The following PLAGL1 variants were observed in gnomAD, a reference collection of about 807,000 sequenced individuals.
PLAGL1 encodes the protein zinc finger protein PLAGL1.
PLAGL1 carries 1 observed loss-of-function variant against 4.6 expected under a neutral mutation model. The observed-to-expected ratio is 0.22, with a 90% CI of 0.08 to 1.03. PLAGL1 has a LOEUF of 1.03. PLAGL1 is among the 50% of genes least tolerant of loss of function. The pLI is 0.58. For missense variants in PLAGL1, 464 were observed against 570.4 expected (o/e 0.81, Z 1.90); for synonymous variants, 240 against 237.8 (o/e 1.01, Z -0.08).
chr6:144,011,393 T>G (rs1211700786), upstream of PLAGL1, among the ~76,000 whole-genome samples: 1 of 152,202 alleles, frequency 6.6e-6, no homozygotes, highest in Admixed American at 6.5e-5. The surrounding 1 kb of genome is among the most constrained non-coding windows in gnomAD (Gnocchi z 4.3). Flanking sequence ...CAAAGATTTC[T>G]GTGGAAAGAT....
intron 1 of PLAGL1, among the ~76,000 whole-genome samples, chr6:144,023,969 G>T (rs1251014960): frequency 5.9e-5 from 9 of 151,806 alleles, no homozygotes; most frequent in African/African-American, 2.2e-4. Flanking sequence ...TAGACACGGG[G>T]TTTCACCATG....
intron 1 of PLAGL1, among the ~76,000 whole-genome samples, chr6:143,998,562 C>T (rs1272996980): frequency 1.3e-5 from 2 of 152,148 alleles, no homozygotes; most frequent in Non-Finnish European, 2.9e-5. Flanking sequence ...GGCAATAGCT[C>T]TTTGTATGCA....
chr6:144,062,035 T>C (rs1799450099), intron 1 of PLAGL1, among the ~76,000 whole-genome samples: 1 of 152,186 alleles, frequency 6.6e-6, no homozygotes, highest in African/African-American at 2.4e-5. Flanking sequence ...TAGACATAGC[T>C]GAGACTTTTA....
At chr6:143,977,091 C>G (rs6900939) in intron 2 of PLAGL1, among the ~76,000 whole-genome samples, 17,371 of 148,990 alleles carry the variant, frequency 0.12, 1,085 homozygotes, top group South Asian at 0.22. Flanking sequence ...CTTCCCCCCC[C>G]CCAACACACT....
At chr6:144,017,282 TCTC>T (rs1484856995) in intron 1 of PLAGL1, among the ~76,000 whole-genome samples, 1 of 152,100 alleles carries the variant, frequency 6.6e-6, no homozygotes, top group Non-Finnish European at 1.5e-5. Flanking sequence ...TCAAGTCTCT[TCTC>T]CTTTTTTTGA....
At position 144,040,326 on chromosome 6, in the gene PLAGL1, C is replaced by T. The variant is rs117985503; in HGVS notation, c.-151+24142G>A. Among the ~76,000 whole-genome samples the T allele has an allele frequency of 2.2e-3, 336 of 150,610 alleles. 8 individuals carry two copies. The East Asian group carries it at 0.027, about 12-fold the overall frequency. ...GGTGGATCGCTTAAACCCGGGAGTTCAAGACTAGCCTGGGCAACATAGTGA... is the reference window on the plus strand; with the variant it reads ...GGTGGATCGCTTAAACCCGGGAGTTTAAGACTAGCCTGGGCAACATAGTGA... On this transcript the variant is annotated intron_variant, in intron 1 of 3. Coordinates refer to the PLAGL1 transcript ENST00000437412.
rs1266063815 is a variant in PLAGL1 at position 143,965,663 on chromosome 6, G to A, written c.-431+495C>T. 1 of 152,290 alleles carries A rather than the reference G, an allele frequency of 6.6e-6. No homozygotes were observed. The highest frequency in any genetic ancestry group is 2.4e-5 in the African/African-American group (1 of 41,434). The allele number at this position is 152,290 out of a possible 1,614,324, so 9.4% of individuals were successfully genotyped here. On this transcript the variant is annotated intron_variant, in intron 4 of 7. Coordinates refer to ENST00000674357, the MANE Select transcript of PLAGL1 (RefSeq NM_001317162.2). The surrounding 1 kb of genome is among the most constrained non-coding windows in gnomAD (Gnocchi z 7.5). The stretch of plus-strand genomic sequence containing the variant: ...CCAAGAAGATAACTCACAAGGCAAG[G>A]AACACGGAAGCTAGGGTGTGTTGGG...
chr6:144,014,415 C>T (rs1049939941), intron 1 of PLAGL1, among the ~76,000 whole-genome samples: 2 of 151,746 alleles, frequency 1.3e-5, no homozygotes, highest in African/African-American at 4.9e-5. Flanking sequence ...GGCGACAGAG[C>T]AAGACTCTGT....
chr6:144,022,684 G>T lies in PLAGL1; in HGVS notation c.-151+41784C>A, dbSNP rs1300218849. ...TGGTTTTATGAAAGGGAGTTCCCTT[G>T]CACAAGCTCTCTTGCCTGCCACCAT... On this transcript the variant is annotated intron_variant, in intron 1 of 3. Coordinates refer to the PLAGL1 transcript ENST00000437412. The surrounding 1 kb of genome is among the most constrained non-coding windows in gnomAD (Gnocchi z 4.2). Among the ~76,000 whole-genome samples the T allele has an allele frequency of 6.6e-6, 1 of 152,154 alleles. No individual in the cohort carries two copies. The highest frequency in any genetic ancestry group is 2.4e-5 in the African/African-American group (1 of 41,418).
chr6:144,052,182 T>A (rs1798626921), intron 1 of PLAGL1, among the ~76,000 whole-genome samples: 1 of 152,176 alleles, frequency 6.6e-6, no homozygotes, highest in Non-Finnish European at 1.5e-5. Flanking sequence ...AGAAGGTAAG[T>A]GATCCTGACA....
chr6:144,028,060 GTTCT>G, intron 1 of PLAGL1, among the ~76,000 whole-genome samples: 1 of 152,106 alleles, frequency 6.6e-6, no homozygotes, highest in Admixed American at 6.5e-5. Flanking sequence ...GGCTCATATG[GTTCT>G]TTATCACTCT....
chr6:143,966,656 T>C lies in PLAGL1; in HGVS notation c.-471-458A>G, dbSNP rs1784477224. On this transcript the variant is annotated intron_variant, in intron 3 of 7. Coordinates refer to ENST00000674357, the MANE Select transcript of PLAGL1 (RefSeq NM_001317162.2). This position sits in a 1 kb window ranked among gnomAD's most constrained non-coding sequence, Gnocchi z 6.0. The stretch of plus-strand genomic sequence containing the variant: ...TGGAACAAAAAGGGAAAAATTACCT[T>C]GGTAAATGCCACATCATGGATCAAT... 1 of 152,222 alleles carries C rather than the reference T, an allele frequency of 6.6e-6. No homozygotes were observed. Among genetic ancestry groups the C allele is most frequent in the Non-Finnish European group, 1.5e-5 (1 of 68,034 alleles). 9.4% of individuals were successfully genotyped at this position (152,222 alleles called of 1,614,324 possible).
rs1797054581 is a variant in PLAGL1 at position 144,034,297 on chromosome 6, T to A, written c.-151+30171A>T. On this transcript the variant is annotated intron_variant, in intron 1 of 3. Transcript: ENST00000437412. The surrounding 1 kb of genome is among the most constrained non-coding windows in gnomAD (Gnocchi z 4.7). ...ACAACCCCCCAACCACACCACACCC[T>A]CTGGACTGAAGCCTCTAGGCCCCAG... Among the ~76,000 whole-genome samples the A allele has an allele frequency of 6.6e-6, 1 of 151,986 alleles. No homozygotes were observed. Among genetic ancestry groups the A allele is most frequent in the South Asian group, 2.1e-4 (1 of 4,812 alleles).
At chr6:143,977,895 A>G (rs1787074298) in intron 2 of PLAGL1, among the ~76,000 whole-genome samples, 1 of 152,114 alleles carries the variant, frequency 6.6e-6, no homozygotes. Flanking sequence ...GCTGTCTAGA[A>G]GCTGTTTTAA....
At chr6:143,998,356 G>A (rs1792125018) in intron 1 of PLAGL1, among the ~76,000 whole-genome samples, 1 of 152,078 alleles carries the variant, frequency 6.6e-6, no homozygotes, top group Non-Finnish European at 1.5e-5. Context: ...TTAGCACAAG[G>A]GCAGTATGGC....
intron 1 of PLAGL1, among the ~76,000 whole-genome samples, chr6:144,051,136 G>A (rs973972293): frequency 6.6e-6 from 1 of 152,076 alleles, no homozygotes; most frequent in African/African-American, 2.4e-5. Context: ...TAATGTCTAG[G>A]AAATCACCTC....
In PLAGL1 at chr6:143,984,493, C is replaced by G. The variant is rs575852741; in HGVS notation, c.-544+642G>C. ...GTTAACATCCTAAGGAATGAGTATG[C>G]CAAGGTAGGTACTATCGGGAAGACT... On this transcript the variant is annotated intron_variant, in intron 2 of 7. Transcript: ENST00000674357. This position sits in a 1 kb window ranked among gnomAD's most constrained non-coding sequence, Gnocchi z 5.5. 1.3e-5 allele frequency among the ~76,000 whole-genome samples: 2 copies of G among 151,814 alleles called. No homozygotes were observed. Among genetic ancestry groups the G allele is most frequent in the Non-Finnish European group, 1.5e-5 (1 of 67,954 alleles).
rs1352510542 is a variant in PLAGL1, at chr6:143,985,200, GT to G, written c.-583-27del. Reference sequence around the variant, plus strand: ...CTGCAAACAAAAATAAAAATTACTAGTTTTGTATAATATTTGCACATGCATT... The same window carrying G: ...CTGCAAACAAAAATAAAAATTACTAGTTTGTATAATATTTGCACATGCATT... On this transcript the variant is annotated intron_variant, in intron 1 of 7. Transcript: ENST00000674357. This position sits in a 1 kb window ranked among gnomAD's most constrained non-coding sequence, Gnocchi z 4.4. 1.3e-5 allele frequency: 2 copies of G among 152,100 alleles called. No individual in the cohort carries two copies. The highest frequency in any genetic ancestry group is 2.9e-5 in the Non-Finnish European group (2 of 68,006). The allele number at this position is 152,100 out of a possible 1,614,324, so 9.4% of individuals were successfully genotyped here. A position where few individuals can be genotyped will look rare whatever the true frequency, so the allele number is the denominator to read the frequency against.
rs75170638 is a variant in PLAGL1, at chr6:144,018,463, A to G, written c.-151+46005T>C. On this transcript the variant is annotated intron_variant, in intron 1 of 3. Transcript: ENST00000437412. ...AATAAGTTCAAGATTTCCAGTGTAC[A>G]CTATGGTGACTATCGTTAATATAAT... Among the ~76,000 whole-genome samples the G allele has an allele frequency of 1.5e-3, 233 of 152,308 alleles. 6 individuals carry two copies. The East Asian group carries it at 0.037, about 24-fold the overall frequency.
Sources: allele counts gnomAD v4.1 joint callset (sites outside exome capture counted in the v4.1 genomes callset), GRCh38; gene constraint gnomAD v4.1.1; non-coding constraint Gnocchi (gnomAD v3.1); transcripts MANE v1.5; gene names NCBI Gene and HGNC (gene_info 2026-07-23, HGNC 2026-07-21).